ACSBG2: variants seen among roughly 807,000 people sequenced by gnomAD.
ACSBG2 encodes the protein long-chain-fatty-acid--CoA ligase ACSBG2.
Under a neutral mutation model 74.7 loss-of-function variants are expected in ACSBG2, and 62 were observed. The observed-to-expected ratio is 0.83, with a 90% CI of 0.68 to 1.03. The LOEUF is 1.03. Ranked by LOEUF, ACSBG2 falls within the 50% of genes least tolerant of loss-of-function variation. ACSBG2 has a pLI of 0.00. For synonymous variants in ACSBG2, 309 were observed against 294.1 expected (o/e 1.05, Z -0.52); for missense variants, 730 against 817.6 (o/e 0.89, Z 1.31).
chr19:6,144,010 G>A (rs1283277343), intron 2 of ACSBG2, among the ~76,000 whole-genome samples: 1 of 151,812 alleles, frequency 6.6e-6, no homozygotes, highest in Non-Finnish European at 1.5e-5. Context: ...TGTTTGTTTG[G>A]TTTTTGAGAT....
At chr19:6,164,038 G>A (rs2089718172) in intron 6 of ACSBG2, among the ~76,000 whole-genome samples, 1 of 152,206 alleles carries the variant, frequency 6.6e-6, no homozygotes, top group South Asian at 2.1e-4. Context: ...TGTGACATTT[G>A]GGAAGGAAAA....
chr19:6,190,784 G>T, intron 14 of ACSBG2, 92 bp downstream of exon 14: 1 of 611,926 alleles, frequency 1.6e-6, no homozygotes. Context: ...GACTGGAACT[G>T]CAGAAAACAC....
chr19:6,187,205 A>C, intron 11 of ACSBG2, 78 bp from the exon 12 acceptor site: 3 of 1,587,738 alleles, frequency 1.9e-6, no homozygotes, highest in Non-Finnish European at 1.7e-6. Flanking sequence ...GGGTTTCACC[A>C]TGTTGGCCAG....
In ACSBG2 at chr19:6,184,859, A is replaced by AC. The variant is rs1568254709; in HGVS notation, c.1323-577_1323-576insC. Among the ~76,000 whole-genome samples the AC allele has an allele frequency of 1.2e-4, 17 of 143,994 alleles. 1 individual carries two copies. The highest frequency in any genetic ancestry group is 3.9e-4 in the African/African-American group (15 of 38,038). The allele number at this position is 143,994 out of a possible 152,430, so 94.5% of individuals were successfully genotyped here. Reference sequence around the variant, plus strand: ...AAAAAAAAAAAAAAAAAAAAAAAAAAAAAAAAAAAAAAACGAAAAACAGCC... The same window carrying AC: ...AAAAAAAAAAAAAAAAAAAAAAAAAACAAAAAAAAAAAAACGAAAAACAGCC... On this transcript the variant is annotated intron_variant, in intron 10 of 14. Transcript: ENST00000588485.
intron 4 of ACSBG2, among the ~76,000 whole-genome samples, chr19:6,152,724 G>A (rs555193453): frequency 2.5e-4 from 38 of 152,174 alleles, no homozygotes; most frequent in African/African-American, 8.7e-4. Flanking sequence ...TTTGGCTTAT[G>A]CACAAAGATA....
At chr19:6,173,102 T>C (rs1364275189) in intron 7 of ACSBG2, among the ~76,000 whole-genome samples, 1 of 152,176 alleles carries the variant, frequency 6.6e-6, no homozygotes, top group East Asian at 1.9e-4. Context: ...CACCCACATT[T>C]CCTTTGTCCC....
chr19:6,161,381 A>G, intron 6 of ACSBG2, 86 bp downstream of exon 6: 1 of 1,332,824 alleles, frequency 7.5e-7, no homozygotes, highest in South Asian at 1.2e-5. Context: ...AGGTGAGCAG[A>G]GGGAGGAGGT....
intron 8 of ACSBG2, among the ~76,000 whole-genome samples, 162 bp downstream of exon 8, chr19:6,177,558 AAGACC>A (rs1453898521): frequency 6.6e-6 from 1 of 152,178 alleles, no homozygotes; most frequent in Admixed American, 6.5e-5. Flanking sequence ...CATTAAAAAC[AAGACC>A]AGGCACAGTG....
intron 7 of ACSBG2, among the ~76,000 whole-genome samples, chr19:6,167,953 G>T (rs963913692): frequency 1.8e-4 from 21 of 115,410 alleles, no homozygotes; most frequent in South Asian, 5.5e-4. Context: ...CCGGTTACCC[G>T]CCTCCCACCC....
At position 6,141,600 on chromosome 19, in the gene ACSBG2, T is replaced by G; in HGVS notation, c.57T>G (p.Asn19Lys). ...CTAAAGATCTTGAAGTAGACATGAA[T>G]AAAACAGAAGGTATATTGCACTAAA... ...EGAKDLEVDM[N>K]KTEVTPRLWT... Residue 19 changes from asparagine (N) to lysine (K), a missense_variant, in exon 2 of 15, where the codon AAT (asparagine) becomes AAG (lysine). Coordinates refer to ENST00000588485, the MANE Select transcript of ACSBG2 (RefSeq NM_030924.5). The G allele has an allele frequency of 6.2e-7, 1 of 1,601,372 alleles. No homozygotes were observed. The highest frequency in any genetic ancestry group is 8.6e-7 in the Non-Finnish European group (1 of 1,168,430).
intron 3 of ACSBG2, among the ~76,000 whole-genome samples, chr19:6,149,032 G>A (rs1023014501): frequency 2.6e-5 from 4 of 151,976 alleles, no homozygotes; most frequent in African/African-American, 9.7e-5. Flanking sequence ...GCTTGAACCC[G>A]GGAGGCAGAG....
chr19:6,161,291 A>G lies in ACSBG2; in HGVS notation c.584A>G (p.Tyr195Cys). The G allele has an allele frequency of 6.2e-7, 1 of 1,612,538 alleles. No individual in the cohort carries two copies. The highest frequency in any genetic ancestry group is 1.7e-4 in the Middle Eastern group (1 of 6,050). The change falls in exon 6 of 15, where the codon TAC (tyrosine) becomes TGC (cysteine). Residue 195 changes from tyrosine to cysteine, a missense_variant. Tyr to Cys is a radical substitution (Grantham distance 194, BLOSUM62 -2). Transcript: ENST00000588485. ...RLPMKKNNNLYSWDDFMELGR... is the reference protein window; with the variant it reads ...RLPMKKNNNLCSWDDFMELGR... ...CCAATGAAGAAGAACAACAACTTGT[A>G]CTCTGTAAGTGTGGGAGGTGGGCAC...
chr19:6,161,352 T>C (rs2145119393), intron 6 of ACSBG2, 57 bp downstream of exon 6: 3 of 1,545,106 alleles, frequency 1.9e-6, no homozygotes, highest in East Asian at 2.3e-5. Flanking sequence ...GCAAGAAAAG[T>C]GGGCGTGGCC....
Position 6,185,576 on chromosome 19 carries a change from A to T in ACSBG2, c.1463A>T (p.Asp488Val), listed in dbSNP as rs748946721. 6.2e-7 allele frequency: 1 copy of T among 1,614,168 alleles called. No individual in the cohort carries two copies. Among genetic ancestry groups the T allele is most frequent in the South Asian group, 1.1e-5 (1 of 91,086 alleles). ...SETETTEAID[D>V]EGWLHSGDLG... is the part of the protein sequence containing the mutation. ...ACTGAAACTACAGAGGCCATCGATG[A>T]TGAAGGCTGGCTACACTCTGGGGAT... The change falls in exon 11 of 15, where the codon GAT becomes GTT. Residue 488 changes from aspartate (D) to valine (V), a missense_variant. Coordinates refer to ENST00000588485, the MANE Select transcript of ACSBG2 (RefSeq NM_030924.5).
chr19:6,183,112 T>C lies in ACSBG2; in HGVS notation c.1162T>C (p.Leu388=), dbSNP rs759542744. ...CAGCAAAGTCAAGACATCCCTTGGC[T>C]TGGATCACTGTCACTCTTTTATCAG... ...VFSKVKTSLG[L]DHCHSFISGT... Residue 388 remains leucine, a synonymous_variant, in exon 10 of 15, where the codon TTG becomes CTG. Coordinates refer to ENST00000588485, the MANE Select transcript of ACSBG2 (RefSeq NM_030924.5). 6.2e-7 allele frequency: 1 copy of C among 1,614,206 alleles called. No homozygotes were observed. The highest frequency in any genetic ancestry group is 1.7e-5 in the Admixed American group (1 of 60,018).
chr19:6,141,656 T>A (rs1315530260), intron 2 of ACSBG2, 46 bp downstream of exon 2: 1 of 1,237,110 alleles, frequency 8.1e-7, no homozygotes, highest in South Asian at 1.2e-5. Flanking sequence ...GGCACATTGA[T>A]TCCACAAAGG....
chr19:6,189,534 TTTTG>T (rs974345244), intron 13 of ACSBG2, among the ~76,000 whole-genome samples: 12 of 152,028 alleles, frequency 7.9e-5, no homozygotes, highest in Non-Finnish European at 8.8e-5. Context: ...CTTGTTTTTT[TTTTG>T]TTTGTTTTGA....
Position 6,161,277 on chromosome 19 carries a change from GAAC to G in ACSBG2, c.577_579del (p.Asn193del), listed in dbSNP as rs1568232894. ...TCCAGTACAGACTGCCAATGAAGAA[GAAC>G]AACAACTTGTACTCTGTAAGTGTGG... is the stretch of plus-strand genomic sequence containing the variant. On this transcript the variant is annotated inframe_deletion, in exon 6 of 15. Coordinates refer to ENST00000588485, the MANE Select transcript of ACSBG2 (RefSeq NM_030924.5). 6 of 1,609,970 alleles carry G rather than the reference GAAC, an allele frequency of 3.7e-6. No homozygotes were observed. The highest frequency in any genetic ancestry group is 3.3e-5 in the Admixed American group (2 of 59,898).
intron 5 of ACSBG2, among the ~76,000 whole-genome samples, chr19:6,158,081 A>T: frequency 7.0e-6 from 1 of 142,178 alleles, no homozygotes; most frequent in Non-Finnish European, 1.5e-5. Context: ...TTTGAGACAG[A>T]GTCTCGCTCT....
Sources: gnomAD v4.1 joint callset for allele counts (sites outside exome capture counted in the v4.1 genomes callset) on GRCh38, gnomAD v4.1.1 for gene constraint, MANE v1.5 for transcripts, NCBI Gene and HGNC (gene_info 2026-07-23, HGNC 2026-07-21) for gene names.